The following EPS8 variants were observed in gnomAD, a reference collection of about 807,000 sequenced individuals.
EPS8 encodes EGFR pathway substrate 8, signaling adaptor.
In EPS8, 42 loss-of-function variants were observed where a neutral mutation model predicts 103.8. The ratio of observed to expected loss-of-function variants is 0.40; its 90% confidence interval spans 0.32 to 0.52. The LOEUF (loss-of-function observed/expected upper bound fraction) is 0.52, where lower values mean the gene tolerates loss of function less well. Ranked by LOEUF, EPS8 falls within the 20% of genes least tolerant of loss-of-function variation. The pLI is 0.40. For missense variants in EPS8, 969 were observed against 1,005.1 expected (o/e 0.96, Z 0.49); for synonymous variants, 344 against 344.6 (o/e 1.00, Z 0.02).
In EPS8 at chr12:15,691,498, G is replaced by A. The variant is rs376287976; in HGVS notation, c.-21-8526C>T. Among the ~76,000 whole-genome samples the A allele has an allele frequency of 6.4e-4, 97 of 152,290 alleles. No homozygotes were observed. The South Asian group carries it at 7.7e-3, about 12-fold the overall frequency. ...AATGTGGCAAGTAGAAAGACAGTATGCAAGGCCTGCGCCTAGGGCTGGAAG... is the reference window on the plus strand; with the variant it reads ...AATGTGGCAAGTAGAAAGACAGTATACAAGGCCTGCGCCTAGGGCTGGAAG... On this transcript the variant is annotated intron_variant, in intron 1 of 20. Coordinates refer to ENST00000281172, the MANE Select transcript of EPS8 (RefSeq NM_004447.6).
In EPS8 at chr12:15,734,693, A is replaced by C. The variant is rs1397645608; in HGVS notation, c.-21-51721T>G. On this transcript the variant is annotated intron_variant, in intron 1 of 20. Coordinates refer to ENST00000281172, the MANE Select transcript of EPS8 (RefSeq NM_004447.6). This position sits in a 1 kb window ranked among gnomAD's most constrained non-coding sequence, Gnocchi z 4.1. Reference sequence around the variant, plus strand: ...TGGGCGACAGAGCGAGACTCCGTACAGAGCGAGACTCTGTCTCAAAAACAA... The same window carrying C: ...TGGGCGACAGAGCGAGACTCCGTACCGAGCGAGACTCTGTCTCAAAAACAA... Among the ~76,000 whole-genome samples, 1 of 152,164 alleles carries C rather than the reference A, an allele frequency of 6.6e-6. No homozygotes were observed. The highest frequency in any genetic ancestry group is 1.5e-5 in the Non-Finnish European group (1 of 68,028).
chr12:15,747,658 AT>A lies in EPS8; in HGVS notation c.-22+41502del, dbSNP rs533079319. Among the ~76,000 whole-genome samples, 329 of 152,270 alleles carry A rather than the reference AT, an allele frequency of 2.2e-3. No homozygotes were observed. The highest frequency in any genetic ancestry group is 6.8e-3 in the Middle Eastern group (2 of 294). On this transcript the variant is annotated intron_variant, in intron 1 of 20. Coordinates refer to ENST00000281172, the MANE Select transcript of EPS8 (RefSeq NM_004447.6). This position sits in a 1 kb window ranked among gnomAD's most constrained non-coding sequence, Gnocchi z 4.4. ...GAAAGAAGAAATGAATGATCCAGAGATATTATCCTATTCTCCAGAATCTTCA... is the reference window on the plus strand; with the variant it reads ...GAAAGAAGAAATGAATGATCCAGAGAATTATCCTATTCTCCAGAATCTTCA...
intron 1 of EPS8, among the ~76,000 whole-genome samples, chr12:15,729,926 C>T (rs1350014738): frequency 1.3e-5 from 2 of 152,180 alleles, no homozygotes; most frequent in Non-Finnish European, 2.9e-5. Flanking sequence ...CCACACACCT[C>T]TTGAATAGTA....
intron 1 of EPS8, among the ~76,000 whole-genome samples, chr12:15,768,205 C>G (rs1220942653): frequency 6.6e-6 from 1 of 151,802 alleles, no homozygotes; most frequent in African/African-American, 2.4e-5. Context: ...TTTGGGAGGC[C>G]AAGGCGGGTG....
At chr12:15,625,491 A>G (rs1446031092) in intron 18 of EPS8, among the ~76,000 whole-genome samples, 1 of 152,084 alleles carries the variant, frequency 6.6e-6, no homozygotes, top group Non-Finnish European at 1.5e-5. Context: ...TGCCTGTACT[A>G]GTGGACTCCA....
chr12:15,639,698 A>G (rs1314407867), intron 17 of EPS8, among the ~76,000 whole-genome samples: 1 of 152,192 alleles, frequency 6.6e-6, no homozygotes, highest in Non-Finnish European at 1.5e-5. Flanking sequence ...AGGAGCCAAA[A>G]GTACTGAAAT....
rs1199306529 is a variant in EPS8, at chr12:15,759,235, AACTG to A, written c.-22+29922_-22+29925del. Among the ~76,000 whole-genome samples, 1 of 152,118 alleles carries A rather than the reference AACTG, an allele frequency of 6.6e-6. No homozygotes were observed. The highest frequency in any genetic ancestry group is 1.5e-5 in the Non-Finnish European group (1 of 67,976). On this transcript the variant is annotated intron_variant, in intron 1 of 20. Coordinates refer to ENST00000281172, the MANE Select transcript of EPS8 (RefSeq NM_004447.6). This position sits in a 1 kb window ranked among gnomAD's most constrained non-coding sequence, Gnocchi z 4.9. ...ATGCCTCAAAAAACATGTTTTGATT[AACTG>A]ACTAATTTTAAAAGGAACATCTATT... is the stretch of plus-strand genomic sequence containing the variant.
chr12:15,665,775 C>T lies in EPS8; in HGVS notation c.717G>A (p.Trp239Ter). The change falls in exon 8 of 21, where the codon TGG becomes TGA. Residue 239 changes from tryptophan (W) to a stop codon, truncating the protein, a stop_gained. Transcript: ENST00000281172. LOFTEE classifies it high-confidence loss of function. ...ACTCACAGTCCCCTTGGTCGGCTGC[C>T]CATGCAGACCAGGCTGCCACTCGAC... ...VRSRVAAWSA[W>*]AADQGDFEKP... 1 of 1,613,432 alleles carries T rather than the reference C, an allele frequency of 6.2e-7. No homozygotes were observed. The highest frequency in any genetic ancestry group is 8.5e-7 in the Non-Finnish European group (1 of 1,179,806).
chr12:15,780,172 C>T lies in EPS8; in HGVS notation c.-22+8989G>A, dbSNP rs1159406479. On this transcript the variant is annotated intron_variant, in intron 1 of 20. Transcript: ENST00000281172. The surrounding 1 kb of genome is among the most constrained non-coding windows in gnomAD (Gnocchi z 4.1). ...ACAGGTTTGGTATCTTTATTCTCTT[C>T]TGCTACAATGTAATGAATACTCTAT... 1 of 152,126 alleles carries T rather than the reference C, an allele frequency of 6.6e-6. No homozygotes were observed. The highest frequency in any genetic ancestry group is 1.5e-5 in the Non-Finnish European group (1 of 68,012). 9.4% of individuals were successfully genotyped at this position (152,126 alleles called of 1,614,324 possible).
At chr12:15,719,349 G>A (rs974041434) in intron 1 of EPS8, among the ~76,000 whole-genome samples, 2 of 152,126 alleles carry the variant, frequency 1.3e-5, no homozygotes, top group African/African-American at 4.8e-5. Context: ...TGTGCAAACA[G>A]TTGTTAAAAT....
At position 15,716,341 on chromosome 12, in the gene EPS8, T is replaced by C. The variant is rs910669299; in HGVS notation, c.-21-33369A>G. On this transcript the variant is annotated intron_variant, in intron 1 of 20. Transcript: ENST00000281172. The surrounding 1 kb of genome is among the most constrained non-coding windows in gnomAD (Gnocchi z 5.0). ...AATTATCTATCAGTAAAGATGATAA[T>C]GAAGTCTTATGAAAGGCTAATCTGG... 3.3e-5 allele frequency among the ~76,000 whole-genome samples: 5 copies of C among 152,184 alleles called. No individual in the cohort carries two copies. The highest frequency in any genetic ancestry group is 6.5e-5 in the Admixed American group (1 of 15,284).
chr12:15,683,887 A>G (rs1591853714), intron 1 of EPS8: 1 of 152,102 alleles, frequency 6.6e-6, no homozygotes, highest in African/African-American at 2.4e-5. Context: ...CAAATATATT[A>G]TATTACTATG....
chr12:15,654,116 TTAAGGCATTA>T lies in EPS8; in HGVS notation c.1250+19_1250+28del, dbSNP rs781629925. 2.0e-5 allele frequency: 32 copies of T among 1,601,732 alleles called. No homozygotes were observed. The highest frequency in any genetic ancestry group is 1.1e-4 in the African/African-American group (8 of 74,640). Reference sequence around the variant, plus strand: ...CCATGTAATTAACAAAGAATGGTACTTAAGGCATTATAGGTGGTAAATGCTTACCTGGCTT... The same window carrying T: ...CCATGTAATTAACAAAGAATGGTACTTAGGTGGTAAATGCTTACCTGGCTT... On this transcript the variant is annotated intron_variant, in intron 13 of 20. Transcript: ENST00000281172.
rs538303497 is a variant in EPS8 at position 15,620,180 on chromosome 12, T to C, written c.*1137A>G. ...CCATTTATTAACAGACAGCAAATAC[T>C]GTTTATTGCAGACTTTCCAGCTGAC... On this transcript the variant is annotated 3_prime_UTR_variant, in exon 21 of 21. Coordinates refer to ENST00000281172, the MANE Select transcript of EPS8 (RefSeq NM_004447.6). 2 of 152,778 alleles carry C rather than the reference T, an allele frequency of 1.3e-5. No individual in the cohort carries two copies. Among genetic ancestry groups the C allele is most frequent in the South Asian group, 4.1e-4 (2 of 4,828 alleles). 9.5% of individuals were successfully genotyped at this position (152,778 alleles called of 1,614,324 possible).
intron 1 of EPS8, among the ~76,000 whole-genome samples, chr12:15,699,366 CT>C (rs1418221588): frequency 6.6e-6 from 1 of 152,150 alleles, no homozygotes; most frequent in Non-Finnish European, 1.5e-5. Flanking sequence ...ATTATCCTAT[CT>C]CAGCTTCGGT....
At position 15,636,543 on chromosome 12, in the gene EPS8, C is replaced by T. The variant is rs542381575; in HGVS notation, c.1821+4160G>A. On this transcript the variant is annotated intron_variant, in intron 17 of 20. Transcript: ENST00000281172. ...TATTCACTGCCTGGTATGAGCATCC[C>T]TGTCATCAGAACAGAATCTCTGATA... Among the ~76,000 whole-genome samples the T allele has an allele frequency of 1.6e-4, 25 of 152,254 alleles. No homozygotes were observed. In the East Asian group the frequency reaches 4.6e-3, roughly 28 times the overall value.
intron 1 of EPS8, among the ~76,000 whole-genome samples, chr12:15,750,343 C>T (rs1328245078): frequency 3.3e-5 from 5 of 152,150 alleles, no homozygotes; most frequent in Non-Finnish European, 1.5e-5. Flanking sequence ...ATGCTTTGAT[C>T]CCATAAGCAG....
intron 1 of EPS8, among the ~76,000 whole-genome samples, chr12:15,687,958 C>T (rs1565500760): frequency 6.6e-6 from 1 of 152,152 alleles, no homozygotes; most frequent in Non-Finnish European, 1.5e-5. Flanking sequence ...TTGTCTTAAT[C>T]TTGACATTAG....
chr12:15,724,062 A>T lies in EPS8; in HGVS notation c.-21-41090T>A, dbSNP rs193034661. Reference sequence around the variant, plus strand: ...CAGAAAAATTCTATGGCTTCTTAATATGAAATCAAAACATCACCTTTGGGT... The same window carrying T: ...CAGAAAAATTCTATGGCTTCTTAATTTGAAATCAAAACATCACCTTTGGGT... On this transcript the variant is annotated intron_variant, in intron 1 of 20. Transcript: ENST00000281172. Among the ~76,000 whole-genome samples, 4 of 152,300 alleles carry T rather than the reference A, an allele frequency of 2.6e-5. No homozygotes were observed. In the East Asian group the frequency reaches 7.7e-4, roughly 29 times the overall value.
Sources: allele counts gnomAD v4.1 joint callset (sites outside exome capture counted in the v4.1 genomes callset), GRCh38; gene constraint gnomAD v4.1.1; non-coding constraint Gnocchi (gnomAD v3.1); transcripts MANE v1.5; gene names NCBI Gene and HGNC (gene_info 2026-07-23, HGNC 2026-07-21).